SCN8A: variants seen among roughly 807,000 people sequenced by gnomAD.
SCN8A encodes sodium voltage-gated channel alpha subunit 8, also known as sodium channel protein type 8 subunit alpha.
SCN8A carries 30 observed loss-of-function variants against 184.1 expected under a neutral mutation model. That is an observed-to-expected ratio of 0.16 (90% CI 0.12 to 0.22). The LOEUF (loss-of-function observed/expected upper bound fraction) is 0.22, where lower values mean the gene tolerates loss of function less well. SCN8A is among the 10% of genes least tolerant of loss of function. SCN8A has a pLI of 1.00. For synonymous variants in SCN8A, 852 were observed against 907.0 expected (o/e 0.94, Z 1.09); for missense variants, 1,057 against 2,498.9 (o/e 0.42, Z 12.30).
intron 4 of SCN8A, among the ~76,000 whole-genome samples, 188 bp downstream of exon 4, chr12:51,686,645 T>C (rs994607410): frequency 6.6e-6 from 1 of 152,202 alleles, no homozygotes; most frequent in Non-Finnish European, 1.5e-5. Context: ...CTCTAGAAAT[T>C]ACTGCCCTTC....
At chr12:51,735,937 C>T (rs554669945) in intron 12 of SCN8A, among the ~76,000 whole-genome samples, 1 of 152,322 alleles carries the variant, frequency 6.6e-6, no homozygotes, top group Non-Finnish European at 1.5e-5. Flanking sequence ...ATCAGTTGTT[C>T]TGTTTCTGTC....
At chr12:51,792,394 A>T (rs964366305) in intron 25 of SCN8A, among the ~76,000 whole-genome samples, 12 of 144,792 alleles carry the variant, frequency 8.3e-5, no homozygotes, top group African/African-American at 2.8e-4. Flanking sequence ...AGGTGAGAGG[A>T]TGGCGTGAGT....
rs1941465291 is a variant in SCN8A at position 51,689,062 on chromosome 12, T to C, written c.672T>C (p.Val224=). Residue 224 remains valine, a synonymous_variant, in exon 6 of 27, where the codon GTT becomes GTC. Transcript: ENST00000627620. ...TCTCAGCGCTGAGAACATTCAGGGT[T>C]CTCCGAGCTTTGAAAACTATCTCTG... ...GNVSALRTFR[V]LRALKTISVI... 1.9e-6 allele frequency: 3 copies of C among 1,613,682 alleles called. No individual in the cohort carries two copies. Among genetic ancestry groups the C allele is most frequent in the Non-Finnish European group, 2.5e-6 (3 of 1,179,848 alleles).
intron 1 of SCN8A, among the ~76,000 whole-genome samples, chr12:51,657,362 T>C (rs941091130): frequency 3.5e-4 from 54 of 152,120 alleles, no homozygotes; most frequent in African/African-American, 1.1e-3. Context: ...AATCCACTTT[T>C]CTAGCGTTTC....
intron 1 of SCN8A, among the ~76,000 whole-genome samples, chr12:51,654,930 C>T (rs1265136277): frequency 1.3e-5 from 2 of 152,126 alleles, no homozygotes; most frequent in Non-Finnish European, 2.9e-5. Context: ...GACAGAGACT[C>T]ACTCTGTCAC....
At position 51,762,492 on chromosome 12, in the gene SCN8A, C is replaced by A. The variant is rs199751851; in HGVS notation, c.2371-11C>A. ...ATTTATTTTTCTTACCCCCTGCATCCCCCTATTTAGGTTTTCACTGGAATT... is the reference window on the plus strand; with the variant it reads ...ATTTATTTTTCTTACCCCCTGCATCACCCTATTTAGGTTTTCACTGGAATT... On this transcript the variant is annotated splice_polypyrimidine_tract_variant and intron_variant, in intron 14 of 26. Coordinates refer to ENST00000627620, the MANE Select transcript of SCN8A (RefSeq NM_001330260.2). 1 of 1,611,992 alleles carries A rather than the reference C, an allele frequency of 6.2e-7. No homozygotes were observed. The highest frequency in any genetic ancestry group is 1.7e-5 in the Admixed American group (1 of 59,778).
intron 1 of SCN8A, among the ~76,000 whole-genome samples, chr12:51,628,480 G>T (rs1056054989): frequency 6.6e-6 from 1 of 152,170 alleles, no homozygotes; most frequent in East Asian, 1.9e-4. Context: ...GATAGGGCAA[G>T]AATTAGCAAT....
intron 6 of SCN8A, among the ~76,000 whole-genome samples, chr12:51,698,151 G>C (rs1004543893): frequency 5.3e-5 from 8 of 152,222 alleles, no homozygotes; most frequent in Non-Finnish European, 1.2e-4. Context: ...ACTGCTCCCA[G>C]CTGCTTTGTC....
intron 2 of SCN8A, among the ~76,000 whole-genome samples, chr12:51,679,834 T>C (rs2138700569): frequency 6.7e-6 from 1 of 150,308 alleles, no homozygotes; most frequent in East Asian, 2.0e-4. Flanking sequence ...CAAGCGATTC[T>C]CCTGCCTCAG....
chr12:51,792,317 CAAA>C (rs71092722), intron 25 of SCN8A, among the ~76,000 whole-genome samples: 2 of 84,830 alleles, frequency 2.4e-5, no homozygotes, highest in African/African-American at 5.7e-5. Flanking sequence ...CCCATCTGTA[CAAA>C]AAAAAAAAAA....
intron 15 of SCN8A, among the ~76,000 whole-genome samples, chr12:51,764,196 T>TA (rs1565915967): frequency 6.6e-6 from 1 of 152,214 alleles, no homozygotes; most frequent in South Asian, 2.1e-4. Context: ...ACTTTTCAAT[T>TA]AAAAAAAAGT....
chr12:51,745,981 C>G lies in SCN8A; in HGVS notation c.2077C>G (p.Arg693Gly). 1 of 1,610,458 alleles carries G rather than the reference C, an allele frequency of 6.2e-7. No homozygotes were observed. Among genetic ancestry groups the G allele is most frequent in the Non-Finnish European group, 8.5e-7 (1 of 1,178,190 alleles). The change falls in exon 13 of 27, where the codon CGG becomes GGG. Residue 693 changes from arginine (R) to glycine (G), a missense_variant. Around this residue, in one of 19 missense-constraint regions of SCN8A, gnomAD observed 322 missense variants for 390.1 expected, o/e 0.83. Transcript: ENST00000627620. The stretch of plus-strand genomic sequence containing the variant: ...CATGGACCAATTAGCCTCCTACGGG[C>G]GGAAGGACAGAATCAACAGTATAAT... Reference protein sequence around the residue: ...VSMDQLASYGRKDRINSIMSV... With the variant: ...VSMDQLASYGGKDRINSIMSV...
chr12:51,712,385 CT>C, intron 11 of SCN8A: 1 of 705,524 alleles, frequency 1.4e-6, no homozygotes, highest in Non-Finnish European at 2.6e-6. Flanking sequence ...GGACGACTGT[CT>C]CAAAGTAACC....
chr12:51,617,110 T>C (rs1045138985), intron 1 of SCN8A, among the ~76,000 whole-genome samples: 3 of 152,200 alleles, frequency 2.0e-5, no homozygotes, highest in Non-Finnish European at 4.4e-5. Context: ...TCCTGTTTGG[T>C]GATCACTGAG....
intron 12 of SCN8A, among the ~76,000 whole-genome samples, chr12:51,742,631 T>C (rs1260234841): frequency 1.3e-5 from 2 of 152,044 alleles, no homozygotes; most frequent in African/African-American, 4.8e-5. Flanking sequence ...ATCCTTTCTT[T>C]ATCCTTGACC....
chr12:51,654,370 A>G (rs1035729004), intron 1 of SCN8A, among the ~76,000 whole-genome samples: 4 of 152,150 alleles, frequency 2.6e-5, no homozygotes, highest in African/African-American at 9.7e-5. Flanking sequence ...ATTTTTGTGT[A>G]TGGTATAAGG....
chr12:51,788,626 G>T (rs1938156717), intron 22 of SCN8A, 69 bp from the exon 23 acceptor site: 4 of 1,276,436 alleles, frequency 3.1e-6, no homozygotes, highest in Admixed American at 2.1e-5. Context: ...CCTGGCCTTT[G>T]GGACCCCTGC....
chr12:51,715,284 T>G (rs973213012), intron 11 of SCN8A, among the ~76,000 whole-genome samples: 3 of 152,212 alleles, frequency 2.0e-5, no homozygotes, highest in Non-Finnish European at 4.4e-5. Flanking sequence ...GAATTGGTCA[T>G]AACCTTCATC....
At position 51,683,669 on chromosome 12, in the gene SCN8A, C is replaced by A. The variant is rs1941372092; in HGVS notation, c.277-505C>A. Among the ~76,000 whole-genome samples the A allele has an allele frequency of 2.0e-5, 3 of 152,282 alleles. No homozygotes were observed. The South Asian group carries it at 6.2e-4, about 32-fold the overall frequency. On this transcript the variant is annotated intron_variant, in intron 2 of 26. Transcript: ENST00000627620. ...CTCCTTTTCCCATAGCACTTGTCATCTTCTGTGTAGCACAGCCTATATGAT... is the reference window on the plus strand; with the variant it reads ...CTCCTTTTCCCATAGCACTTGTCATATTCTGTGTAGCACAGCCTATATGAT...
Sources: allele counts gnomAD v4.1 joint callset (sites outside exome capture counted in the v4.1 genomes callset), GRCh38; gene constraint gnomAD v4.1.1; regional missense constraint gnomAD v4.1.1; transcripts MANE v1.5; gene names NCBI Gene and HGNC (gene_info 2026-07-23, HGNC 2026-07-21).